Variants in CIITA observed in about 807,000 individuals in gnomAD.
CIITA encodes the protein class II major histocompatibility complex transactivator.
Under a neutral mutation model 115.1 loss-of-function variants are expected in CIITA, and 72 were observed. The observed-to-expected ratio is 0.63, with a 90% confidence interval of 0.52 to 0.76. The LOEUF is 0.76. CIITA is among the 30% of genes least tolerant of loss of function. The pLI, the probability that CIITA is intolerant of heterozygous loss-of-function variation, is 0.00. For synonymous variants in CIITA, 763 were observed against 635.6 expected (o/e 1.20, Z -3.02); for missense variants, 1,617 against 1,463.8 (o/e 1.10, Z -1.71).
chr16:10,869,153 A>G (rs2035299405), intron 1 of CIITA, among the ~76,000 whole-genome samples: 1 of 152,210 alleles, frequency 6.6e-6, no homozygotes, highest in African/African-American at 2.4e-5. Context: ...CTGCTGTGCT[A>G]AACGCTGCAC....
At chr16:10,891,657 C>G (rs1004710033) in intron 1 of CIITA, among the ~76,000 whole-genome samples, 2 of 152,074 alleles carry the variant, frequency 1.3e-5, no homozygotes, top group African/African-American at 4.8e-5. Flanking sequence ...GAATGGGAGG[C>G]GGGCATCAGG....
At chr16:10,889,622 C>T (rs1433145828) in intron 1 of CIITA, among the ~76,000 whole-genome samples, 2 of 151,892 alleles carry the variant, frequency 1.3e-5, no homozygotes, top group East Asian at 1.9e-4. Flanking sequence ...CAGGTTCAAG[C>T]GATTCTCCTG....
chr16:10,897,397 C>G (rs373692697), intron 3 of CIITA, among the ~76,000 whole-genome samples: 1 of 152,312 alleles, frequency 6.6e-6, no homozygotes, highest in South Asian at 2.1e-4. Context: ...AATCCATGAA[C>G]GGATTAACCC....
intron 11 of CIITA, 133 bp from the exon 12 acceptor site, chr16:10,908,896 C>T: frequency 1.5e-6 from 2 of 1,320,494 alleles, no homozygotes; most frequent in Non-Finnish European, 2.1e-6. Context: ...TCATGGAAGG[C>T]TTTCTGGGAA....
chr16:10,921,096 G>T (rs999300731), intron 16 of CIITA, among the ~76,000 whole-genome samples: 1 of 152,114 alleles, frequency 6.6e-6, no homozygotes, highest in South Asian at 2.1e-4. Context: ...TCAAACTCCC[G>T]ACCTTAGGTG....
downstream of CIITA, chr16:10,941,214 G>A (rs1026757397): frequency 6.4e-6 from 1 of 155,540 alleles, no homozygotes; most frequent in Non-Finnish European, 1.4e-5. This position sits in a 1 kb window ranked among gnomAD's most constrained non-coding sequence, Gnocchi z 6.4. Flanking sequence ...AAAAGCCAAG[G>A]TCATCATCAA....
In CIITA at chr16:10,902,810, G is replaced by A. The variant is rs750572482; in HGVS notation, c.772+9G>A. The stretch of plus-strand genomic sequence containing the variant: ...TATATTCATCTACCATGGTGAGTGC[G>A]GGGCCTGGCTCCCCGACCACCTCTC... On this transcript the variant is annotated intron_variant, in intron 8 of 19. Transcript: ENST00000324288. 54 of 1,613,824 alleles carry A rather than the reference G, an allele frequency of 3.3e-5. No homozygotes were observed. The highest frequency in any genetic ancestry group is 1.6e-4 in the East Asian group (7 of 44,886).
At chr16:10,904,701 G>A (rs766223595) in intron 9 of CIITA, 43 bp from the exon 10 acceptor site, 19 of 1,612,154 alleles carry the variant, frequency 1.2e-5, no homozygotes, top group East Asian at 4.5e-5. Flanking sequence ...GTCCCCAGGG[G>A]TAACCCTCAC....
chr16:10,867,661 C>A (rs2035180450), intron 1 of CIITA, among the ~76,000 whole-genome samples: 1 of 152,162 alleles, frequency 6.6e-6, no homozygotes, highest in Non-Finnish European at 1.5e-5. Context: ...AAAGACAAGC[C>A]TGCACTGTCC....
intron 10 of CIITA, 129 bp from the exon 11 acceptor site, chr16:10,906,370 A>AAAAC (rs2039151087): frequency 1.7e-6 from 2 of 1,194,320 alleles, no homozygotes; most frequent in South Asian, 2.6e-5. Context: ...AAAACAAAAC[A>AAAAC]AAACAAACAA....
chr16:10,910,048 TAAGA>T, intron 12 of CIITA, 136 bp from the exon 13 acceptor site: 1 of 705,342 alleles, frequency 1.4e-6, no homozygotes, highest in Non-Finnish European at 2.5e-6. Flanking sequence ...TCTTTTTTTT[TAAGA>T]GGGGGACAAC....
intron 12 of CIITA, 57 bp from the exon 13 acceptor site, chr16:10,910,131 G>C: frequency 6.7e-7 from 1 of 1,495,228 alleles, no homozygotes; most frequent in Non-Finnish European, 9.3e-7. Flanking sequence ...GGGACCCATG[G>C]GTAAGGGCTC....
intron 1 of CIITA, among the ~76,000 whole-genome samples, chr16:10,883,960 C>G (rs138997069): frequency 1.3e-5 from 2 of 152,210 alleles, no homozygotes; most frequent in African/African-American, 4.8e-5. Flanking sequence ...CAGCACCAGA[C>G]TGATACATTT....
chr16:10,875,561 C>T (rs2035774603), upstream of CIITA, among the ~76,000 whole-genome samples: 1 of 152,134 alleles, frequency 6.6e-6, no homozygotes, highest in African/African-American at 2.4e-5. Context: ...GTCATGTTTC[C>T]AAACCTTCAT....
rs1567398077 is a variant in CIITA, at chr16:10,899,010, AG to A, written c.436+9del. ...AGAAAAGTCAGAAAAGACGTGAGTG[AG>A]CCCCTCCCTGATCCAACCTAGCCTT... On this transcript the variant is annotated intron_variant, in intron 5 of 19. Transcript: ENST00000324288. 6 of 1,613,938 alleles carry A rather than the reference AG, an allele frequency of 3.7e-6. No homozygotes were observed. Among genetic ancestry groups the A allele is most frequent in the Middle Eastern group, 1.7e-4 (1 of 6,038 alleles).
At position 10,907,000 on chromosome 16, in the gene CIITA, A is replaced by C. The variant is rs773203401; in HGVS notation, c.1508A>C (p.Glu503Ala). 3.1e-6 allele frequency: 5 copies of C among 1,610,192 alleles called. No individual in the cohort carries two copies. Among genetic ancestry groups the C allele is most frequent in the Non-Finnish European group, 3.4e-6 (4 of 1,179,858 alleles). ...CTGCTCATCCTAGACGGCTTCGAGG[A>C]GCTGGAAGCGCAAGATGGCTTCCTG... ...RVLLILDGFE[E>A]LEAQDGFLHS... Residue 503 changes from glutamate to alanine, a missense_variant, in exon 11 of 20, where the codon GAG becomes GCG. Physicochemically the swap from Glu to Ala is moderately radical, Grantham distance 107. Transcript: ENST00000324288.
intron 5 of CIITA, among the ~76,000 whole-genome samples, chr16:10,899,364 G>T (rs79798326): frequency 6.6e-6 from 1 of 151,782 alleles, no homozygotes; most frequent in East Asian, 1.9e-4. Context: ...CCTTCCCCCA[G>T]TTCTTCCCAT....
At chr16:10,938,510 G>A (rs1334464847), downstream of CIITA, 1 of 152,246 alleles carries the variant, frequency 6.6e-6, no homozygotes, top group East Asian at 1.9e-4. This position sits in a 1 kb window ranked among gnomAD's most constrained non-coding sequence, Gnocchi z 4.9. Flanking sequence ...GACCACATGA[G>A]AATGGCTGAG....
At chr16:10,871,579 CA>C (rs1249332482) in intron 1 of CIITA, among the ~76,000 whole-genome samples, 1 of 152,170 alleles carries the variant, frequency 6.6e-6, no homozygotes, top group Non-Finnish European at 1.5e-5. Flanking sequence ...AAGGGAGGAA[CA>C]CCCCACCCTT....
Sources: gnomAD v4.1 joint callset for allele counts (sites outside exome capture counted in the v4.1 genomes callset) on GRCh38, gnomAD v4.1.1 for gene constraint, Gnocchi (gnomAD v3.1) non-coding constraint, MANE v1.5 for transcripts, NCBI Gene and HGNC (gene_info 2026-07-23, HGNC 2026-07-21) for gene names.